Variants in NRK observed in about 807,000 individuals in gnomAD.
NRK encodes the protein Nik related kinase.
A neutral mutation model predicts 125.2 loss-of-function variants in NRK; 67 were observed. The ratio of observed to expected loss-of-function variants is 0.54; its 90% CI spans 0.44 to 0.66. The LOEUF (loss-of-function observed/expected upper bound fraction) is 0.66, where lower values mean the gene tolerates loss of function less well. Ranked by LOEUF, NRK falls within the 30% of genes least tolerant of loss-of-function variation. The pLI is 0.00. For missense variants in NRK, 1,224 were observed against 1,192.9 expected, an observed-to-expected ratio of 1.03 and a Z score of -0.38; for synonymous variants, 458 against 429.0, an observed-to-expected ratio of 1.07 and a Z score of -0.84.
At chrX:105,843,492 T>C (rs1157840750) in intron 2 of NRK, among the ~76,000 whole-genome samples, 1 of 112,456 alleles carries the variant, frequency 8.9e-6, no homozygotes, top group Non-Finnish European at 1.9e-5. Flanking sequence ...AGGTTGGCCT[T>C]TCAAAATTAT....
intron 1 of NRK, among the ~76,000 whole-genome samples, chrX:105,825,770 G>A (rs1054025587): frequency 2.7e-5 from 3 of 110,691 alleles, no homozygotes; most frequent in Non-Finnish European, 5.7e-5. Context: ...CAAAATAAGA[G>A]AGCCAATGTA....
intron 12 of NRK, 92 bp downstream of exon 12, chrX:105,908,395 A>C (rs1179815167): frequency 2.1e-6 from 1 of 474,471 alleles, no homozygotes; most frequent in African/African-American, 2.5e-5. Context: ...AGAAAGACTT[A>C]ATTCTTTCTG....
intron 14 of NRK, 45 bp downstream of exon 14, chrX:105,912,800 G>A (rs1235215035): frequency 6.4e-6 from 4 of 626,635 alleles, no homozygotes; most frequent in Non-Finnish European, 9.6e-6. Flanking sequence ...TAAGAACCCA[G>A]AACAGTGGTT....
chrX:105,844,019 C>CTG (rs1178483710), intron 2 of NRK, among the ~76,000 whole-genome samples: 95 of 63,230 alleles, frequency 1.5e-3, no homozygotes, highest in Middle Eastern at 9.9e-3. Context: ...GTGTGTGTGT[C>CTG]TGTGTGTGTG....
At chrX:105,938,283 T>C (rs912967999) in intron 22 of NRK, among the ~76,000 whole-genome samples, 4 of 111,697 alleles carry the variant, frequency 3.6e-5, no homozygotes, top group African/African-American at 1.3e-4. Context: ...ATGATGCTAA[T>C]CACAGACACT....
intron 5 of NRK, among the ~76,000 whole-genome samples, chrX:105,890,280 A>G (rs1414652772): frequency 8.9e-6 from 1 of 111,781 alleles, no homozygotes; most frequent in East Asian, 2.8e-4. Flanking sequence ...TGTCCGTATC[A>G]TTATCAGCAC....
In NRK at chrX:105,926,208, A is replaced by AT. The variant is rs760207167; in HGVS notation, c.3312+1185dup. ...TTTCCCGATGATTAATTATGTTGAAATTTTTTTTCATCTATCTGTTGGTTA... is the reference window on the plus strand; with the variant it reads ...TTTCCCGATGATTAATTATGTTGAAATTTTTTTTTCATCTATCTGTTGGTTA... On this transcript the variant is annotated intron_variant, in intron 19 of 28. Transcript: ENST00000243300. Among the ~76,000 whole-genome samples the AT allele has an allele frequency of 4.9e-3, 549 of 111,089 alleles. 2 individuals carry two copies. The highest frequency in any genetic ancestry group is 7.4e-3 in the Admixed American group (78 of 10,495).
chrX:105,955,848 C>G lies in NRK; in HGVS notation c.*248C>G, dbSNP rs2040969927. On this transcript the variant is annotated 3_prime_UTR_variant, in exon 29 of 29. Transcript: ENST00000243300. The stretch of plus-strand genomic sequence containing the variant: ...TGCACAAACTTTGTAACTTTTGTTA[C>G]TGTGAATTCAAACATTACTCTTTGG... 1 of 264,552 alleles carries G rather than the reference C, an allele frequency of 3.8e-6. No homozygotes were observed. The highest frequency in any genetic ancestry group is 1.1e-4 in the South Asian group (1 of 9,438). 21.8% of individuals were successfully genotyped at this position (264,552 alleles called of 1,213,427 possible).
chrX:105,906,523 G>A lies in NRK; in HGVS notation c.955G>A (p.Glu319Lys). The A allele has an allele frequency of 8.6e-7, 1 of 1,159,512 alleles. No individual in the cohort carries two copies. Among genetic ancestry groups the A allele is most frequent in the Non-Finnish European group, 1.2e-6 (1 of 860,162 alleles). The change falls in exon 11 of 29, where the codon GAA becomes AAA. Residue 319 changes from glutamate (E) to lysine (K), a missense_variant. Physicochemically the swap from Glu to Lys is moderately conservative, Grantham distance 56 (BLOSUM62 1). Transcript: ENST00000243300. ...CCCATTTGTTCGGGATATAAAAAAT[G>A]AACGACATGTTGTTGAGTCATTAAC... ...QHPFVRDIKN[E>K]RHVVESLTRH...
At chrX:105,839,673 A>G (rs909010369) in intron 2 of NRK, among the ~76,000 whole-genome samples, 1 of 112,268 alleles carries the variant, frequency 8.9e-6, no homozygotes, top group Admixed American at 9.5e-5. Context: ...CCCAAGTATC[A>G]TGTTACATAC....
Position 105,921,975 on chromosome X carries a change from GA to G in NRK, c.2525del (p.Glu842GlyfsTer6). 8.8e-7 allele frequency: 1 copy of G among 1,133,310 alleles called. No individual in the cohort carries two copies. The highest frequency in any genetic ancestry group is 1.2e-6 in the Non-Finnish European group (1 of 828,144). The allele number at this position is 1,133,310 out of a possible 1,213,427, so 93.4% of individuals were successfully genotyped here. ...TTGGCATTCCATAGAATCTTCTTCT[GA>G]GGAAGAAAGTCCTGTGACTGGAAGG... is the stretch of plus-strand genomic sequence containing the variant. ...NWLAASESSS[E>X]EESPVTGRRS... is the part of the protein sequence containing the mutation. On this transcript the variant is annotated frameshift_variant, in exon 17 of 29. Transcript: ENST00000243300. LOFTEE classifies it high-confidence loss of function.
intron 22 of NRK, 75 bp from the exon 23 acceptor site, chrX:105,939,799 A>T (rs2040713887): frequency 1.6e-6 from 1 of 627,396 alleles, no homozygotes; most frequent in South Asian, 4.8e-5. Flanking sequence ...AAGGCAAAAT[A>T]TCTTTACTTT....
At chrX:105,889,659 G>A (rs2147719993) in intron 5 of NRK, among the ~76,000 whole-genome samples, 1 of 112,721 alleles carries the variant, frequency 8.9e-6, no homozygotes, top group Admixed American at 9.3e-5. Flanking sequence ...CTCAAGTCTT[G>A]ATTTCTGTGC....
At chrX:105,935,465 T>G in intron 21 of NRK, 140 bp downstream of exon 21, 1 of 442,223 alleles carries the variant, frequency 2.3e-6, no homozygotes, top group Non-Finnish European at 3.7e-6. Flanking sequence ...TCAGAATTGG[T>G]TTTGCTGATT....
chrX:105,860,933 G>A (rs999948869), intron 2 of NRK, among the ~76,000 whole-genome samples: 3 of 110,798 alleles, frequency 2.7e-5, no homozygotes, highest in Non-Finnish European at 5.7e-5. Context: ...ATGTTGACAT[G>A]ACCATTCATA....
In NRK at chrX:105,937,548, C is replaced by G; in HGVS notation, c.3765C>G (p.Val1255=). The change falls in exon 22 of 29, where the codon GTC becomes GTG. Residue 1255 remains valine, a synonymous_variant. Coordinates refer to ENST00000243300, the MANE Select transcript of NRK (RefSeq NM_198465.4). ...IRRRPFRQIQ[V]LEPLNLLITI... is the part of the protein sequence containing the mutation. ...GAAGACCATTCCGCCAGATTCAAGT[C>G]TTAGAGCCACTCAATTTGCTGATTA... The G allele has an allele frequency of 8.3e-7, 1 of 1,199,569 alleles. No homozygotes were observed. Among genetic ancestry groups the G allele is most frequent in the Non-Finnish European group, 1.1e-6 (1 of 888,678 alleles).
intron 17 of NRK, among the ~76,000 whole-genome samples, chrX:105,922,712 C>T (rs769671898): frequency 9.0e-6 from 1 of 111,455 alleles, no homozygotes; most frequent in Non-Finnish European, 1.9e-5. Flanking sequence ...ACCCATGGCA[C>T]GTAAAACCTG....
At chrX:105,862,853 G>A (rs1266595916) in intron 2 of NRK, among the ~76,000 whole-genome samples, 1 of 111,893 alleles carries the variant, frequency 8.9e-6, no homozygotes, top group Non-Finnish European at 1.9e-5. Flanking sequence ...ATACACTTGA[G>A]GCAAAGAGGC....
chrX:105,894,302 CAGA>C (rs1285847710), intron 6 of NRK, among the ~76,000 whole-genome samples: 1 of 111,929 alleles, frequency 8.9e-6, no homozygotes, highest in African/African-American at 3.2e-5. Context: ...GAAGATGAGT[CAGA>C]AGAAGTCAGT....
Sources: allele counts gnomAD v4.1 joint callset (sites outside exome capture counted in the v4.1 genomes callset), GRCh38; gene constraint gnomAD v4.1.1; transcripts MANE v1.5; gene names NCBI Gene and HGNC (gene_info 2026-07-23, HGNC 2026-07-21).